C11orf71: variants seen among roughly 807,000 people sequenced by gnomAD.
The protein encoded by C11orf71 is uncharacterized protein C11orf71.
For missense variants in C11orf71, 179 were observed against 167.6 expected, an observed-to-expected ratio of 1.07 and a Z score of -0.38; for synonymous variants, 72 against 73.4, an observed-to-expected ratio of 0.98 and a Z score of 0.09.
chr11:114,400,454 A>G lies in C11orf71; in HGVS notation c.-123T>C, dbSNP rs1206911621. On this transcript the variant is annotated 5_prime_UTR_variant, in exon 1 of 1. Transcript: ENST00000623205. ...CTAAGCACACAGGAACCCATAACTG[A>G]GCCTGCGGAAGAGCCAGAAGCCGCC... 7.3e-7 allele frequency: 1 copy of G among 1,362,446 alleles called. No homozygotes were observed. The highest frequency in any genetic ancestry group is 2.5e-5 in the East Asian group (1 of 39,930). 84.4% of individuals were successfully genotyped at this position (1,362,446 alleles called of 1,614,324 possible).
At chr11:114,397,081 T>C (rs911499166), downstream of C11orf71, among the ~76,000 whole-genome samples, 2 of 152,154 alleles carry the variant, frequency 1.3e-5, no homozygotes, top group Admixed American at 1.3e-4. Context: ...ATAGAGGAAG[T>C]AAATATCTTA....
In C11orf71 at chr11:114,393,407, C is replaced by T. The variant is rs143560008; in HGVS notation, c.344-1742G>A. Among the ~76,000 whole-genome samples the T allele has an allele frequency of 5.2e-3, 793 of 152,252 alleles. 5 individuals carry two copies. The highest frequency in any genetic ancestry group is 8.3e-3 in the Non-Finnish European group (565 of 68,014). Reference sequence around the variant, plus strand: ...GCAATTGAGGAGCTTCTACTTCAATCGGAAGCAATTAATTTGCAATGTAAT... The same window carrying T: ...GCAATTGAGGAGCTTCTACTTCAATTGGAAGCAATTAATTTGCAATGTAAT... On this transcript the variant is annotated intron_variant, in intron 1 of 1. Transcript: ENST00000325636.
At chr11:114,398,334 TACTC>T (rs1030202570), downstream of C11orf71, among the ~76,000 whole-genome samples, 1 of 152,210 alleles carries the variant, frequency 6.6e-6, no homozygotes, top group African/African-American at 2.4e-5. Flanking sequence ...AGAAAATAGT[TACTC>T]AAGTCATTTT....
At position 114,400,234 on chromosome 11, in the gene C11orf71, A is replaced by T; in HGVS notation, c.98T>A (p.Leu33Ter). The change falls in exon 1 of 1, where the codon TTG (leucine) becomes TAG (stop). Residue 33 changes from leucine (L) to a stop codon, truncating the protein, a stop_gained. Transcript: ENST00000623205. LOFTEE classifies it low-confidence loss of function (END_TRUNC). ...GAAGCCGTCTCCGGAGACCATCGCC[A>T]ACGCTGACGCCCGCGGTCTGAGGTC... ...HGDLRPRASA[L>*]AMVSGDGFLV... 6.2e-7 allele frequency: 1 copy of T among 1,612,094 alleles called. No homozygotes were observed. The highest frequency in any genetic ancestry group is 8.5e-7 in the Non-Finnish European group (1 of 1,179,156).
At chr11:114,394,199 T>C (rs192549775), downstream of C11orf71, among the ~76,000 whole-genome samples, 281 of 46,848 alleles carry the variant, frequency 6.0e-3, 12 homozygotes, top group African/African-American at 0.024. Flanking sequence ...TTTTCTTTTC[T>C]TTTCTTTTCT....
chr11:114,392,848 A>G (rs935296847), intron 1 of C11orf71, among the ~76,000 whole-genome samples: 12 of 151,882 alleles, frequency 7.9e-5, no homozygotes, highest in Non-Finnish European at 5.9e-5. Flanking sequence ...CTCTAGCATG[A>G]TAAGTGGTAT....
downstream of C11orf71, among the ~76,000 whole-genome samples, chr11:114,394,190 T>TTTC (rs1159731417): frequency 7.4e-5 from 3 of 40,570 alleles, no homozygotes; most frequent in African/African-American, 1.1e-4. Context: ...TTTCTTTTCT[T>TTTC]TTCTTTTCTT....
downstream of C11orf71, chr11:114,398,454 C>CA (rs1427868793): frequency 6.6e-6 from 1 of 152,060 alleles, no homozygotes; most frequent in Non-Finnish European, 1.5e-5. Flanking sequence ...TTTTCAGTAA[C>CA]AAAATGAAAG....
rs1370559453 is a variant in C11orf71 at position 114,399,170 on chromosome 11, G to A, written c.*790C>T. On this transcript the variant is annotated 3_prime_UTR_variant, in exon 1 of 1. Coordinates refer to ENST00000623205, the MANE Select transcript of C11orf71 (RefSeq NM_001271562.2). ...AGCCTCCCCATCTAGAATATACTCC[G>A]TGATCTTTCTTGATGGCCAGACTGT... 3 of 152,022 alleles carry A rather than the reference G, an allele frequency of 2.0e-5. No homozygotes were observed. The highest frequency in any genetic ancestry group is 4.4e-5 in the Non-Finnish European group (3 of 67,992). The allele number at this position is 152,022 out of a possible 1,614,324, so 9.4% of individuals were successfully genotyped here. A position where few individuals can be genotyped will look rare whatever the true frequency, so the allele number is the denominator to read the frequency against.
downstream of C11orf71, among the ~76,000 whole-genome samples, chr11:114,394,204 T>TTTCC (rs1565256385): frequency 6.4e-5 from 3 of 46,984 alleles, no homozygotes; most frequent in Non-Finnish European, 1.2e-4. Flanking sequence ...TTTTCTTTTC[T>TTTCC]TTTCTTTTCT....
chr11:114,392,303 C>T (rs1328230622), intron 1 of C11orf71, among the ~76,000 whole-genome samples: 4 of 151,698 alleles, frequency 2.6e-5, no homozygotes, highest in Admixed American at 6.6e-5. Context: ...TTTGGGAGGC[C>T]GAGGCGAGTG....
chr11:114,395,634 T>C (rs983576859), downstream of C11orf71, among the ~76,000 whole-genome samples: 14 of 152,234 alleles, frequency 9.2e-5, no homozygotes, highest in African/African-American at 2.9e-4. Context: ...AAGTAAACTG[T>C]TACTTTAAAA....
At position 114,399,719 on chromosome 11, in the gene C11orf71, G is replaced by T. The variant is rs778104783; in HGVS notation, c.*241C>A. 5 of 564,964 alleles carry T rather than the reference G, an allele frequency of 8.9e-6. No individual in the cohort carries two copies. Among genetic ancestry groups the T allele is most frequent in the African/African-American group, 3.8e-5 (2 of 53,232 alleles). The allele number at this position is 564,964 out of a possible 1,614,324, so 35.0% of individuals were successfully genotyped here. On this transcript the variant is annotated 3_prime_UTR_variant, in exon 1 of 1. Coordinates refer to ENST00000623205, the MANE Select transcript of C11orf71 (RefSeq NM_001271562.2). ...GGTGCTCCCATCAGCTCAGCTTTGT[G>T]ACGACCTAAGAATATCCCTTCCACA...
Position 114,399,909 on chromosome 11 carries a change from T to A in C11orf71, c.*51A>T. 4 of 1,513,816 alleles carry A rather than the reference T, an allele frequency of 2.6e-6. No individual in the cohort carries two copies. Among genetic ancestry groups the A allele is most frequent in the East Asian group, 2.3e-5 (1 of 43,800 alleles). The allele number at this position is 1,513,816 out of a possible 1,614,324, so 93.8% of individuals were successfully genotyped here. A position where few individuals can be genotyped will look rare whatever the true frequency, so the allele number is the denominator to read the frequency against. On this transcript the variant is annotated 3_prime_UTR_variant, in exon 1 of 1. Transcript: ENST00000623205. ...ATTGCTGCTACACCAAGAAAGGATT[T>A]TAAAAAGGCCTGTTCACAAGCTAAG...
At chr11:114,394,284 T>TTTCTGTTCTCTTCTC (rs1441634194), downstream of C11orf71, among the ~76,000 whole-genome samples, 1 of 84,478 alleles carries the variant, frequency 1.2e-5, no homozygotes, top group African/African-American at 6.7e-5. Context: ...TTTCTTTTCT[T>TTTCTGTTCTCTTCTC]TTCTCTTATT....
chr11:114,396,418 C>T (rs1946131690), downstream of C11orf71, among the ~76,000 whole-genome samples: 1 of 152,142 alleles, frequency 6.6e-6, no homozygotes, highest in East Asian at 1.9e-4. Context: ...AGTGAAAGTT[C>T]TGTAGAATAT....
At chr11:114,394,218 CTTTTCTTTTCT>C, downstream of C11orf71, among the ~76,000 whole-genome samples, 1 of 55,466 alleles carries the variant, frequency 1.8e-5, no homozygotes, top group South Asian at 5.6e-4. Flanking sequence ...CTTTTCTTTT[CTTTTCTTTTCT>C]TTCTTTTCTT....
chr11:114,397,838 T>C (rs1452812157), downstream of C11orf71, among the ~76,000 whole-genome samples: 1 of 152,328 alleles, frequency 6.6e-6, no homozygotes, highest in South Asian at 2.1e-4. Flanking sequence ...GATGGCACCC[T>C]CTTCCACTCC....
Position 114,400,235 on chromosome 11 carries a change from A to G in C11orf71, c.97T>C (p.Leu33=). The G allele has an allele frequency of 6.2e-7, 1 of 1,612,114 alleles. No individual in the cohort carries two copies. Among genetic ancestry groups the G allele is most frequent in the Non-Finnish European group, 8.5e-7 (1 of 1,179,182 alleles). ...AAGCCGTCTCCGGAGACCATCGCCA[A>G]CGCTGACGCCCGCGGTCTGAGGTCG... ...HGDLRPRASA[L]AMVSGDGFLV... The change falls in exon 1 of 1, where the codon TTG becomes CTG. Residue 33 remains leucine (L), a synonymous_variant. Transcript: ENST00000623205.
Sources: allele counts gnomAD v4.1 joint callset (sites outside exome capture counted in the v4.1 genomes callset), GRCh38; gene constraint gnomAD v4.1.1; transcripts MANE v1.5; gene names NCBI Gene and HGNC (gene_info 2026-07-23, HGNC 2026-07-21).